The following SMOC2 variants were observed in gnomAD, a reference collection of about 807,000 sequenced individuals.
The protein encoded by SMOC2 is SPARC-related modular calcium-binding protein 2.
A neutral mutation model predicts 61.4 loss-of-function variants in SMOC2; 39 were observed. That is an observed-to-expected ratio of 0.64 (90% CI 0.49 to 0.83). SMOC2 has a LOEUF of 0.83. Among genes scored for constraint, SMOC2 ranks in the 40% least tolerant of loss-of-function variants. SMOC2 has a pLI of 0.00. For missense variants in SMOC2, 556 were observed against 592.9 expected, an observed-to-expected ratio of 0.94 and a Z score of 0.65; for synonymous variants, 247 against 239.9, an observed-to-expected ratio of 1.03 and a Z score of -0.27.
intron 2 of SMOC2, among the ~76,000 whole-genome samples, chr6:168,517,196 G>A (rs1390088938): frequency 6.6e-6 from 1 of 151,522 alleles, no homozygotes. Context: ...GTGAGGCCTC[G>A]CTCTGAGGCC....
rs1049541538 is a variant in SMOC2, at chr6:168,527,520, C to A, written c.364-108C>A. 10 of 766,228 alleles carry A rather than the reference C, an allele frequency of 1.3e-5. No individual in the cohort carries two copies. In the South Asian group the frequency reaches 1.6e-4, roughly 12 times the overall value. The allele number at this position is 766,228 out of a possible 1,614,324, so 47.5% of individuals were successfully genotyped here. ...AGCCACAGAAGTAGCTCTGGGTATC[C>A]CAGGACCCTGTCTGAGCCACTGCCG... On this transcript the variant is annotated intron_variant, in intron 3 of 12. Transcript: ENST00000356284.
chr6:168,473,298 C>T (rs1444098428), intron 1 of SMOC2, among the ~76,000 whole-genome samples: 1 of 152,132 alleles, frequency 6.6e-6, no homozygotes, highest in Non-Finnish European at 1.5e-5. Context: ...TATTGAATGG[C>T]TCGAAAGTTC....
chr6:168,524,051 A>G (rs951308125), intron 2 of SMOC2, among the ~76,000 whole-genome samples: 1 of 152,160 alleles, frequency 6.6e-6, no homozygotes, highest in Non-Finnish European at 1.5e-5. Flanking sequence ...TGTCTGTATC[A>G]AGCATATAAT....
intron 4 of SMOC2, among the ~76,000 whole-genome samples, chr6:168,529,715 C>G (rs375006620): frequency 1.3e-5 from 2 of 152,156 alleles, no homozygotes; most frequent in Admixed American, 1.3e-4. Context: ...TACATACCCC[C>G]CAAACACAGA....
intron 8 of SMOC2, among the ~76,000 whole-genome samples, chr6:168,607,325 G>A: frequency 6.6e-6 from 1 of 152,184 alleles, no homozygotes; most frequent in East Asian, 1.9e-4. Context: ...ATAAAACCCA[G>A]GCAAAGCAGG....
rs201633969 is a variant in SMOC2, at chr6:168,527,685, A to G, written c.421A>G (p.Ile141Val). ...GTGCGTCACGCCCAACGGGAGGCCC[A>G]TCAGCGGCACTGCCGTGGCCCACAA... ...CWCVTPNGRPISGTAVAHKTP... is the reference protein window; with the variant it reads ...CWCVTPNGRPVSGTAVAHKTP... Residue 141 changes from isoleucine to valine, a missense_variant, in exon 4 of 13, where the codon ATC becomes GTC. Coordinates refer to ENST00000356284, the MANE Select transcript of SMOC2 (RefSeq NM_001166412.2). 1.9e-6 allele frequency: 3 copies of G among 1,552,522 alleles called. No individual in the cohort carries two copies. In the Admixed American group the frequency reaches 5.9e-5, roughly 30 times the overall value.
At chr6:168,573,491 C>T (rs529812374) in intron 7 of SMOC2, among the ~76,000 whole-genome samples, 1 of 152,308 alleles carries the variant, frequency 6.6e-6, no homozygotes, top group East Asian at 1.9e-4. Context: ...TCTGCTCGGG[C>T]TCCCAGGCGA....
intron 6 of SMOC2, among the ~76,000 whole-genome samples, chr6:168,547,579 C>T (rs1784036686): frequency 6.6e-6 from 1 of 152,046 alleles, no homozygotes; most frequent in African/African-American, 2.4e-5. Context: ...GAGGAATATA[C>T]TTAATGATGA....
intron 7 of SMOC2, among the ~76,000 whole-genome samples, chr6:168,552,254 A>G (rs1173821965): frequency 6.6e-6 from 1 of 152,212 alleles, no homozygotes; most frequent in Non-Finnish European, 1.5e-5. Context: ...TCTTATTGAA[A>G]TTTCAAATAT....
In SMOC2 at chr6:168,453,834, CTGTT is replaced by C. The variant is rs1306347819; in HGVS notation, c.84+12384_84+12387del. Among the ~76,000 whole-genome samples the C allele has an allele frequency of 6.6e-6, 1 of 151,676 alleles. No individual in the cohort carries two copies. Reference sequence around the variant, plus strand: ...CTGTCCTCTATCTCTCTCCGTCTCTCTGTTTGTCTCTCATTCTTTCTCTGGATCT... The same window carrying C: ...CTGTCCTCTATCTCTCTCCGTCTCTCTGTCTCTCATTCTTTCTCTGGATCT... On this transcript the variant is annotated intron_variant, in intron 1 of 12. Coordinates refer to ENST00000356284, the MANE Select transcript of SMOC2 (RefSeq NM_001166412.2). The surrounding 1 kb of genome is among the most constrained non-coding windows in gnomAD (Gnocchi z 4.4).
chr6:168,499,284 G>A (rs958025911), intron 1 of SMOC2, among the ~76,000 whole-genome samples: 1 of 152,214 alleles, frequency 6.6e-6, no homozygotes, highest in Admixed American at 6.5e-5. Context: ...AGGTGCCGTT[G>A]GGCATGTGGG....
intron 8 of SMOC2, among the ~76,000 whole-genome samples, chr6:168,599,900 C>T (rs1250968238): frequency 2.0e-5 from 3 of 149,100 alleles, no homozygotes; most frequent in Non-Finnish European, 4.5e-5. Flanking sequence ...GACACATCCC[C>T]ACACTCCCAC....
At chr6:168,568,650 TG>T (rs1784599666) in intron 7 of SMOC2, among the ~76,000 whole-genome samples, 1 of 152,156 alleles carries the variant, frequency 6.6e-6, no homozygotes, top group South Asian at 2.1e-4. Context: ...GTTGTTTCAC[TG>T]CCCTGAAAAC....
At chr6:168,442,422 G>A (rs986676884) in intron 1 of SMOC2, among the ~76,000 whole-genome samples, 2 of 152,262 alleles carry the variant, frequency 1.3e-5, no homozygotes, top group African/African-American at 4.8e-5. Flanking sequence ...CCAAGGCCGG[G>A]TGTCTGCAGC....
At chr6:168,630,900 A>G (rs186022278) in intron 9 of SMOC2, among the ~76,000 whole-genome samples, 1 of 152,298 alleles carries the variant, frequency 6.6e-6, no homozygotes, top group East Asian at 1.9e-4. Context: ...TTTTGATCAG[A>G]CGGTCTGCTC....
Position 168,544,504 on chromosome 6 carries a change from C to G in SMOC2, c.511+832C>G, listed in dbSNP as rs2115100632. ...CCTGGCCAAAATGGTGAAACGCCAT[C>G]TCTACTAAAAAGACAAAAATTAACC... On this transcript the variant is annotated intron_variant, in intron 5 of 12. Transcript: ENST00000356284. This position sits in a 1 kb window ranked among gnomAD's most constrained non-coding sequence, Gnocchi z 4.1. Among the ~76,000 whole-genome samples the G allele has an allele frequency of 6.6e-6, 1 of 152,182 alleles. No homozygotes were observed. The highest frequency in any genetic ancestry group is 2.4e-5 in the African/African-American group (1 of 41,534).
intron 7 of SMOC2, among the ~76,000 whole-genome samples, chr6:168,558,518 CT>C (rs760423041): frequency 3.1e-4 from 47 of 152,312 alleles, no homozygotes; most frequent in Admixed American, 5.2e-4. Context: ...TCGGCCCCCC[CT>C]GTGTGATCCT....
At chr6:168,608,112 C>A (rs1240936396) in intron 8 of SMOC2, 45 bp from the exon 9 acceptor site, 4 of 1,560,982 alleles carry the variant, frequency 2.6e-6, no homozygotes, top group Non-Finnish European at 3.5e-6. Flanking sequence ...TGGTCTCAAG[C>A]CCGTTGTTTT....
intron 1 of SMOC2, among the ~76,000 whole-genome samples, chr6:168,478,494 T>TA (rs1782138563): frequency 6.6e-6 from 1 of 152,092 alleles, no homozygotes. Context: ...AAGTATTCAT[T>TA]AAAAAAACAA....
Sources: gnomAD v4.1 joint callset for allele counts (sites outside exome capture counted in the v4.1 genomes callset) on GRCh38, gnomAD v4.1.1 for gene constraint, Gnocchi (gnomAD v3.1) non-coding constraint, MANE v1.5 for transcripts, NCBI Gene and HGNC (gene_info 2026-07-23, HGNC 2026-07-21) for gene names.